MOXD1: variants seen among roughly 807,000 people sequenced by gnomAD.
MOXD1 encodes monooxygenase DBH like 1.
MOXD1 carries 62 observed loss-of-function variants against 66.6 expected under a neutral mutation model. The observed-to-expected ratio is 0.93, with a 90% CI of 0.76 to 1.15. MOXD1 has a LOEUF of 1.15. Among genes scored for constraint, MOXD1 ranks in the 50% most tolerant of loss-of-function variants. The probability of loss-of-function intolerance (pLI) is 0.00; values close to 1 mark genes in which losing one functional copy is unlikely to be tolerated. For missense variants in MOXD1, 847 were observed against 754.6 expected, an observed-to-expected ratio of 1.12 and a Z score of -1.44; for synonymous variants, 303 against 281.9, an observed-to-expected ratio of 1.07 and a Z score of -0.75.
rs1318594265 is a variant in MOXD1 at position 132,328,432 on chromosome 6, A to T, written c.826T>A (p.Trp276Arg). 10 of 1,614,152 alleles carry T rather than the reference A, an allele frequency of 6.2e-6. 1 individual carries two copies. In the South Asian group the frequency reaches 9.9e-5, roughly 16 times the overall value. Residue 276 changes from tryptophan to arginine, a missense_variant, in exon 5 of 12, where the codon TGG becomes AGG. Transcript: ENST00000367963. ...AGCCCCACCTCTCCACCAATAGCCC[A>T]GGCAAAAATCACAGTTTCACAGGTG... ...FLTCETVIFAWAIGGEGFSYP... is the reference protein window; with the variant it reads ...FLTCETVIFARAIGGEGFSYP...
At position 132,351,413 on chromosome 6, in the gene MOXD1, T is replaced by G. The variant is rs145313978; in HGVS notation, c.663+21195A>C. Among the ~76,000 whole-genome samples, 368 of 152,278 alleles carry G rather than the reference T, an allele frequency of 2.4e-3. 2 individuals carry two copies. The highest frequency in any genetic ancestry group is 8.6e-3 in the African/African-American group (357 of 41,576). ...ATTGAGATGATCAGGTGATTTTTGTTTTTAATTCTGTTTATGTGCTGTATC... is the reference window on the plus strand; with the variant it reads ...ATTGAGATGATCAGGTGATTTTTGTGTTTAATTCTGTTTATGTGCTGTATC... On this transcript the variant is annotated intron_variant, in intron 4 of 11. Transcript: ENST00000367963.
intron 10 of MOXD1, 47 bp from the exon 11 acceptor site, chr6:132,298,002 CAT>C (rs754422665): frequency 6.6e-7 from 1 of 1,506,542 alleles, no homozygotes; most frequent in South Asian, 1.3e-5. Context: ...AAATGCATTA[CAT>C]GTTTCCTTTA....
At chr6:132,392,876 C>T (rs1169646909) in intron 1 of MOXD1, among the ~76,000 whole-genome samples, 4 of 152,148 alleles carry the variant, frequency 2.6e-5, no homozygotes, top group East Asian at 3.8e-4. Flanking sequence ...AAATGGGCAG[C>T]GCAAATTTCC....
intron 9 of MOXD1, among the ~76,000 whole-genome samples, chr6:132,316,017 T>C (rs1017256959): frequency 5.9e-5 from 9 of 152,194 alleles, no homozygotes; most frequent in South Asian, 2.1e-4. Context: ...GGATGGGATG[T>C]AAACTTCTCA....
At chr6:132,298,119 C>T (rs1774452125) in intron 10 of MOXD1, among the ~76,000 whole-genome samples, 164 bp from the exon 11 acceptor site, 1 of 152,018 alleles carries the variant, frequency 6.6e-6, no homozygotes, top group East Asian at 1.9e-4. Flanking sequence ...AGAAGAAATA[C>T]CAAATAAAAG....
intron 4 of MOXD1, among the ~76,000 whole-genome samples, chr6:132,334,641 C>A (rs1582578367): frequency 6.6e-6 from 1 of 152,306 alleles, no homozygotes; most frequent in East Asian, 1.9e-4. Flanking sequence ...AAGTGGCTAT[C>A]CTAAAACCTT....
intron 10 of MOXD1, among the ~76,000 whole-genome samples, chr6:132,300,873 G>T (rs564993752): frequency 1.3e-5 from 2 of 152,020 alleles, no homozygotes; most frequent in African/African-American, 4.8e-5. Flanking sequence ...CCACTAACTT[G>T]GTTTAGGCCC....
chr6:132,298,062 CATAG>C, intron 10 of MOXD1, 107 bp from the exon 11 acceptor site: 1 of 898,690 alleles, frequency 1.1e-6, no homozygotes, highest in Non-Finnish European at 1.6e-6. Context: ...TTTTCATACA[CATAG>C]ATAACCTAAT....
intron 4 of MOXD1, among the ~76,000 whole-genome samples, chr6:132,359,403 A>G (rs1259483510): frequency 6.6e-6 from 1 of 151,910 alleles, no homozygotes; most frequent in Non-Finnish European, 1.5e-5. Flanking sequence ...AAATGGTTAC[A>G]TGCACATGTG....
chr6:132,330,070 G>A (rs1775283937), intron 4 of MOXD1, among the ~76,000 whole-genome samples: 1 of 152,152 alleles, frequency 6.6e-6, no homozygotes, highest in Admixed American at 6.5e-5. Flanking sequence ...AATGAGTGAA[G>A]CACACCCTAG....
intron 4 of MOXD1, among the ~76,000 whole-genome samples, chr6:132,352,667 T>C (rs1457155192): frequency 6.6e-6 from 1 of 152,176 alleles, no homozygotes; most frequent in East Asian, 1.9e-4. Flanking sequence ...CATGGTATAG[T>C]TTTAATCCAT....
chr6:132,390,751 C>T (rs1776743781), intron 1 of MOXD1: 1 of 151,460 alleles, frequency 6.6e-6, no homozygotes, highest in African/African-American at 2.4e-5. Flanking sequence ...ATATTGACCT[C>T]ACAGGACTAT....
intron 4 of MOXD1, among the ~76,000 whole-genome samples, chr6:132,359,972 A>G (rs2114640032): frequency 6.6e-6 from 1 of 152,344 alleles, no homozygotes; most frequent in East Asian, 1.9e-4. Flanking sequence ...GACAACAAGT[A>G]ACTGCAGGGA....
chr6:132,303,833 G>A (rs9375868), intron 10 of MOXD1, among the ~76,000 whole-genome samples: 17 of 59,974 alleles, frequency 2.8e-4, no homozygotes, highest in Admixed American at 8.9e-4. Flanking sequence ...GTGTGTGTGT[G>A]TGTATATATA....
intron 4 of MOXD1, among the ~76,000 whole-genome samples, chr6:132,349,282 C>T (rs919540797): frequency 6.7e-6 from 1 of 150,212 alleles, no homozygotes; most frequent in Non-Finnish European, 1.5e-5. Context: ...TCTCCAGTCT[C>T]ATCCAGGTTG....
chr6:132,331,685 C>A (rs943383247), intron 4 of MOXD1, among the ~76,000 whole-genome samples: 1 of 152,138 alleles, frequency 6.6e-6, no homozygotes, highest in African/African-American at 2.4e-5. Context: ...TAATCCTTAT[C>A]TTACAGATTT....
intron 4 of MOXD1, among the ~76,000 whole-genome samples, chr6:132,354,814 G>A (rs1433732234): frequency 6.6e-6 from 1 of 152,120 alleles, no homozygotes; most frequent in African/African-American, 2.4e-5. Context: ...GACTCTCCTT[G>A]GAAGGGTCTT....
chr6:132,326,368 A>G (rs1342475818), intron 6 of MOXD1, among the ~76,000 whole-genome samples: 1 of 152,012 alleles, frequency 6.6e-6, no homozygotes, highest in African/African-American at 2.4e-5. Flanking sequence ...AAACTATGAG[A>G]AAGTCAACTT....
chr6:132,333,709 C>T (rs934117361), intron 4 of MOXD1, among the ~76,000 whole-genome samples: 20 of 152,136 alleles, frequency 1.3e-4, no homozygotes, highest in African/African-American at 3.9e-4. Context: ...TGTTATTGAT[C>T]CCACATTCTT....
Sources: allele counts gnomAD v4.1 joint callset (sites outside exome capture counted in the v4.1 genomes callset), GRCh38; gene constraint gnomAD v4.1.1; transcripts MANE v1.5; gene names NCBI Gene and HGNC (gene_info 2026-07-23, HGNC 2026-07-21).